The following HNRNPA1L2 variants were observed in gnomAD, a reference collection of about 807,000 sequenced individuals.
HNRNPA1L2 encodes heterogeneous nuclear ribonucleoprotein A1 like 2.
Under a neutral mutation model 18.2 loss-of-function variants are expected in HNRNPA1L2, and 10 were observed. The ratio of observed to expected loss-of-function variants is 0.55; its 90% CI spans 0.34 to 0.93. The LOEUF is 0.93. Among genes scored for constraint, HNRNPA1L2 ranks in the 40% least tolerant of loss-of-function variants. The pLI, the probability that HNRNPA1L2 is intolerant of heterozygous loss-of-function variation, is 0.02. For synonymous variants in HNRNPA1L2, 124 were observed against 138.6 expected (o/e 0.89, Z 0.74); for missense variants, 308 against 394.4 (o/e 0.78, Z 1.85).
At chr13:52,623,100 C>G in the HNRNPA1L2 span, among the ~76,000 whole-genome samples, 1 of 152,024 alleles carries the variant, frequency 6.6e-6, no homozygotes, top group Non-Finnish European at 1.5e-5. Flanking sequence ...ACAATCAGTA[C>G]CCATAATAGG....
At chr13:52,627,280 T>C in the HNRNPA1L2 span, among the ~76,000 whole-genome samples, 1 of 152,226 alleles carries the variant, frequency 6.6e-6, no homozygotes, top group Admixed American at 6.5e-5. Context: ...TACCTAATAG[T>C]TGAGAATTCC....
chr13:52,639,979 C>T (rs373849627), upstream of HNRNPA1L2, among the ~76,000 whole-genome samples: 1 of 149,682 alleles, frequency 6.7e-6, no homozygotes, highest in Non-Finnish European at 1.5e-5. Flanking sequence ...GCAACTGTCA[C>T]CTCCCAGGGT....
At chr13:52,640,085 C>T (rs1390292760), upstream of HNRNPA1L2, among the ~76,000 whole-genome samples, 6 of 151,954 alleles carry the variant, frequency 3.9e-5, no homozygotes, top group African/African-American at 1.5e-4. Flanking sequence ...GGACCACAGG[C>T]CTGCACCATG....
At chr13:52,634,733 C>T in the HNRNPA1L2 span, among the ~76,000 whole-genome samples, 1 of 152,142 alleles carries the variant, frequency 6.6e-6, no homozygotes, top group Non-Finnish European at 1.5e-5. Context: ...AGTCATAGGC[C>T]CTACTGGTTA....
At chr13:52,626,902 G>A in the HNRNPA1L2 span, among the ~76,000 whole-genome samples, 1 of 152,028 alleles carries the variant, frequency 6.6e-6, no homozygotes, top group Non-Finnish European at 1.5e-5. Flanking sequence ...TGCCTGTTCT[G>A]GCACTTGACA....
upstream of HNRNPA1L2, among the ~76,000 whole-genome samples, chr13:52,639,740 A>G (rs1179826479): frequency 6.6e-6 from 1 of 151,090 alleles, no homozygotes; most frequent in Non-Finnish European, 1.5e-5. Flanking sequence ...TTGGGAATAC[A>G]TAATGTTTGT....
chr13:52,617,892 A>G, the HNRNPA1L2 span, among the ~76,000 whole-genome samples: 2 of 152,236 alleles, frequency 1.3e-5, no homozygotes, highest in South Asian at 2.1e-4. Context: ...ACAGAGCTCC[A>G]ATTACAAGCC....
chr13:52,624,681 C>A, the HNRNPA1L2 span, among the ~76,000 whole-genome samples: 1 of 152,130 alleles, frequency 6.6e-6, no homozygotes, highest in East Asian at 1.9e-4. Context: ...ATAACAACTA[C>A]TTATGTAGCA....
upstream of HNRNPA1L2, among the ~76,000 whole-genome samples, chr13:52,640,018 C>A (rs1177734729): frequency 3.3e-5 from 5 of 151,572 alleles, no homozygotes; most frequent in African/African-American, 4.8e-5. Flanking sequence ...TGGCTCACTG[C>A]AACTGTCACC....
Position 52,643,390 on chromosome 13 carries a change from C to T in HNRNPA1L2, c.898C>T (p.Gln300Ter), listed in dbSNP as rs1238490078. 6.3e-7 allele frequency: 1 copy of T among 1,598,558 alleles called. No homozygotes were observed. The highest frequency in any genetic ancestry group is 8.5e-7 in the Non-Finnish European group (1 of 1,179,792). ...TGGAGGCCAATACTTTGCAAAACCA[C>T]AAAACCAAGGTGGCTATGGCGTTTC... ...GGGGQYFAKP[Q>*]NQGGYGVSSS... The change falls in exon 1 of 1, where the codon CAA becomes TAA. Residue 300 changes from glutamine to a stop codon, truncating the protein, a stop_gained. Coordinates refer to ENST00000357495, the MANE Select transcript of HNRNPA1L2 (RefSeq NM_001389320.1). LOFTEE classifies it high-confidence loss of function.
the HNRNPA1L2 span, among the ~76,000 whole-genome samples, chr13:52,631,347 G>C: frequency 6.6e-6 from 1 of 152,200 alleles, no homozygotes; most frequent in African/African-American, 2.4e-5. Flanking sequence ...AAGAAACCAC[G>C]TATAAACTCT....
the HNRNPA1L2 span, among the ~76,000 whole-genome samples, chr13:52,624,194 T>C: frequency 6.6e-6 from 1 of 152,144 alleles, no homozygotes; most frequent in African/African-American, 2.4e-5. Flanking sequence ...GGCTCACTGC[T>C]ATCTCCACCT....
chr13:52,642,126 C>T (rs1019527934), upstream of HNRNPA1L2: 1 of 248,666 alleles, frequency 4.0e-6, no homozygotes, highest in East Asian at 9.0e-5. Flanking sequence ...TAGTTATATA[C>T]CCCTTCTTAA....
chr13:52,622,750 C>A, the HNRNPA1L2 span, among the ~76,000 whole-genome samples: 3 of 152,152 alleles, frequency 2.0e-5, no homozygotes, highest in Admixed American at 2.0e-4. Flanking sequence ...GTGCTTTCAG[C>A]TTTCCTGGCT....
At position 52,642,632 on chromosome 13, in the gene HNRNPA1L2, G is replaced by A. The variant is rs1276966600; in HGVS notation, c.140G>A (p.Arg47Lys). ...WGTLTDCVVM[R>K]DPNTKRSRGF... ...ACGCTCACAGACTGTGTGGTAATGA[G>A]AGATCCAAACACCAAGCGCTCCAGG... is the stretch of plus-strand genomic sequence containing the variant. Residue 47 changes from arginine (R) to lysine (K), a missense_variant, in exon 1 of 1, where the codon AGA becomes AAA. Coordinates refer to ENST00000357495, the MANE Select transcript of HNRNPA1L2 (RefSeq NM_001389320.1). 6.2e-7 allele frequency: 1 copy of A among 1,611,842 alleles called. No homozygotes were observed. Among genetic ancestry groups the A allele is most frequent in the South Asian group, 1.1e-5 (1 of 90,954 alleles).
Position 52,643,416 on chromosome 13 carries a change from C to T in HNRNPA1L2, c.924C>T (p.Ser308=). The T allele has an allele frequency of 6.3e-7, 1 of 1,598,298 alleles. No individual in the cohort carries two copies. The highest frequency in any genetic ancestry group is 1.7e-5 in the Admixed American group (1 of 60,022). Residue 308 remains serine, a synonymous_variant, in exon 1 of 1, where the codon TCC becomes TCT. Coordinates refer to ENST00000357495, the MANE Select transcript of HNRNPA1L2 (RefSeq NM_001389320.1). Reference sequence around the variant, plus strand: ...AAAACCAAGGTGGCTATGGCGTTTCCAGCAGCAGCAGTAGCTATGGCAGTG... The same window carrying T: ...AAAACCAAGGTGGCTATGGCGTTTCTAGCAGCAGCAGTAGCTATGGCAGTG... ...KPQNQGGYGV[S]SSSSSYGSGR...
upstream of HNRNPA1L2, among the ~76,000 whole-genome samples, chr13:52,637,666 C>T (rs1194651208): frequency 6.6e-6 from 1 of 151,958 alleles, no homozygotes; most frequent in African/African-American, 2.4e-5. Context: ...GCTCTAACGG[C>T]GATAAAACTA....
the HNRNPA1L2 span, among the ~76,000 whole-genome samples, chr13:52,634,044 C>T: frequency 6.6e-6 from 1 of 152,112 alleles, no homozygotes; most frequent in South Asian, 2.1e-4. Flanking sequence ...TTTGAAGAAA[C>T]TGTAGTATAA....
chr13:52,640,018 C>T (rs1177734729), upstream of HNRNPA1L2, among the ~76,000 whole-genome samples: 2 of 151,574 alleles, frequency 1.3e-5, no homozygotes, highest in African/African-American at 2.4e-5. Flanking sequence ...TGGCTCACTG[C>T]AACTGTCACC....
Sources: gnomAD v4.1 joint callset for allele counts (sites outside exome capture counted in the v4.1 genomes callset) on GRCh38, gnomAD v4.1.1 for gene constraint, MANE v1.5 for transcripts, NCBI Gene and HGNC (gene_info 2026-07-23, HGNC 2026-07-21) for gene names.